Variants in PMEL observed in about 807,000 individuals in gnomAD.
The protein encoded by PMEL is premelanosome protein, also known as melanocyte protein PMEL.
In PMEL, 53 loss-of-function variants were observed where a neutral mutation model predicts 64.9. That is an observed-to-expected ratio of 0.82 (90% CI 0.66 to 1.03). PMEL has a LOEUF of 1.03. Among genes scored for constraint, PMEL ranks in the 50% least tolerant of loss-of-function variants. The pLI, the probability that PMEL is intolerant of heterozygous loss-of-function variation, is 0.00. For synonymous variants in PMEL, 299 were observed against 316.2 expected (o/e 0.95, Z 0.58); for missense variants, 716 against 814.9 (o/e 0.88, Z 1.48).
chr12:55,957,557 C>A lies in PMEL; in HGVS notation c.746G>T (p.Gly249Val), dbSNP rs1592767841. Residue 249 changes from glycine (G) to valine (V), a missense_variant, in exon 6 of 11, where the codon GGC (glycine) becomes GTC (valine). Gly to Val is a moderately radical substitution (Grantham distance 109). Coordinates refer to ENST00000548747, the MANE Select transcript of PMEL (RefSeq NM_001384361.1). ...TFALQLHDPS[G>V]YLAEADLSYT... is the part of the protein sequence containing the mutation. ...GGAGAGGTCAGCTTCAGCCAGATAG[C>A]CACTGGGGTCATGGAGCTGGAGGGC... is the stretch of plus-strand genomic sequence containing the variant. 6.2e-7 allele frequency: 1 copy of A among 1,613,180 alleles called. No homozygotes were observed. The highest frequency in any genetic ancestry group is 8.5e-7 in the Non-Finnish European group (1 of 1,179,578).
intron 1 of PMEL, among the ~76,000 whole-genome samples, chr12:55,964,646 G>A (rs1889219585): frequency 6.6e-6 from 1 of 151,196 alleles, no homozygotes; most frequent in African/African-American, 2.4e-5. Flanking sequence ...TTATTTTTTT[G>A]AGACAGAGTC....
At position 55,957,148 on chromosome 12, in the gene PMEL, C is replaced by T. The variant is rs778708708; in HGVS notation, c.1155G>A (p.Met385Ile). ...TTGACATCTCTGCCAGTGTGGTACC[C>T]ATGACCTCTGAAACTGGCACCTTCT... ...TPEKVPVSEV[M>I]GTTLAEMSTP... The change falls in exon 6 of 11, where the codon ATG becomes ATA. Residue 385 changes from methionine to isoleucine, a missense_variant. Met to Ile is a conservative substitution (Grantham distance 10). Coordinates refer to ENST00000548747, the MANE Select transcript of PMEL (RefSeq NM_001384361.1). 4.3e-6 allele frequency: 7 copies of T among 1,614,162 alleles called. No homozygotes were observed. The highest frequency in any genetic ancestry group is 2.2e-5 in the South Asian group (2 of 91,080).
At chr12:55,966,185 G>A, upstream of PMEL, 1 of 954,548 alleles carries the variant, frequency 1.0e-6, no homozygotes, top group Non-Finnish European at 1.5e-6. Context: ...CCTAGACATT[G>A]CTTTCCCATC....
In PMEL at chr12:55,961,730, G is replaced by A; in HGVS notation, c.79C>T (p.Pro27Ser). Residue 27 changes from proline to serine, a missense_variant and splice_region_variant, in exon 2 of 11, where the codon CCC (proline) becomes TCC (serine). Transcript: ENST00000548747. ...ACACCAAGCCAGTCCTGGTTTCTGG[G>A]TACTAAAAGGAATGTGCCATGAAGG... ...ALLAVGATKV[P>S]RNQDWLGVSR... 6.2e-7 allele frequency: 1 copy of A among 1,610,658 alleles called. No individual in the cohort carries two copies. Among genetic ancestry groups the A allele is most frequent in the Non-Finnish European group, 8.5e-7 (1 of 1,177,004 alleles).
Position 55,956,080 on chromosome 12 carries a change from C to T in PMEL, c.1471+23G>A, listed in dbSNP as rs200269247. ...GGTAGCACACAGCTGCCTCCATCAGCCACCAAAGTAGGCAAGACTCACGGA... is the reference window on the plus strand; with the variant it reads ...GGTAGCACACAGCTGCCTCCATCAGTCACCAAAGTAGGCAAGACTCACGGA... On this transcript the variant is annotated intron_variant, in intron 7 of 10. Transcript: ENST00000548747. 7.2e-6 allele frequency: 11 copies of T among 1,531,304 alleles called. No homozygotes were observed. The Admixed American group carries it at 1.8e-4, about 26-fold the overall frequency. 94.9% of individuals were successfully genotyped at this position (1,531,304 alleles called of 1,614,324 possible).
chr12:55,954,176 G>C lies in PMEL; in HGVS notation c.*38C>G, dbSNP rs779078135. 5 of 1,568,470 alleles carry C rather than the reference G, an allele frequency of 3.2e-6. No homozygotes were observed. In the South Asian group the frequency reaches 3.5e-5, roughly 11 times the overall value. On this transcript the variant is annotated 3_prime_UTR_variant, in exon 11 of 11. Coordinates refer to ENST00000548747, the MANE Select transcript of PMEL (RefSeq NM_001384361.1). ...GACTGGGGGAAATATAGGTGTTTCTGTCAACTCCAGGAAAATCACAGCATC... is the reference window on the plus strand; with the variant it reads ...GACTGGGGGAAATATAGGTGTTTCTCTCAACTCCAGGAAAATCACAGCATC...
rs777557131 is a variant in PMEL, at chr12:55,955,514, A to G, written c.1712T>C (p.Leu571Pro). 7 of 1,614,158 alleles carry G rather than the reference A, an allele frequency of 4.3e-6. No individual in the cohort carries two copies. The highest frequency in any genetic ancestry group is 1.6e-4 in the Middle Eastern group (1 of 6,062). The change falls in exon 9 of 11, where the codon CTG becomes CCG. Residue 571 changes from leucine to proline, a missense_variant. Physicochemically the swap from Leu to Pro is moderately conservative, Grantham distance 98. Coordinates refer to ENST00000548747, the MANE Select transcript of PMEL (RefSeq NM_001384361.1). Reference protein sequence around the residue: ...GSGTYCLNVSLADTNSLAVVS... With the variant: ...GSGTYCLNVSPADTNSLAVVS... ...CACTGCCAGGCTGTTGGTATCAGCC[A>G]GAGACACATTGAGGCAGTATGTCCC...
In PMEL at chr12:55,960,537, G is replaced by GTT. The variant is rs760692409; in HGVS notation, c.334+778_334+779dup. On this transcript the variant is annotated intron_variant, in intron 3 of 10. Transcript: ENST00000548747. ...TAATTTTCTTTTCTTTTTGCTTTCT[G>GTT]TTTTTTTTTTTTTTTTTTTTTTTGA... Among the ~76,000 whole-genome samples the GTT allele has an allele frequency of 8.5e-3, 824 of 97,214 alleles. 16 individuals carry two copies. Among genetic ancestry groups the GTT allele is most frequent in the Middle Eastern group, 0.012 (2 of 170 alleles). The allele number at this position is 97,214 out of a possible 152,430, so 63.8% of individuals were successfully genotyped here. A position where few individuals can be genotyped will look rare whatever the true frequency, so the allele number is the denominator to read the frequency against.
chr12:55,959,684 A>G (rs1429135349), intron 3 of PMEL, among the ~76,000 whole-genome samples: 1 of 152,094 alleles, frequency 6.6e-6, no homozygotes, highest in Non-Finnish European at 1.5e-5. Context: ...GGAAGCCTAT[A>G]ATCCCAGCTA....
At position 55,954,127 on chromosome 12, in the gene PMEL, A is replaced by G. The variant is rs1295625369; in HGVS notation, c.*87T>C. ...GCATCAGGCTCTGAGTATTTATTTC[A>G]GTTAATAGTAGTCTCCCAGGGAAGA... On this transcript the variant is annotated 3_prime_UTR_variant, in exon 11 of 11. Coordinates refer to ENST00000548747, the MANE Select transcript of PMEL (RefSeq NM_001384361.1). 4 of 1,270,464 alleles carry G rather than the reference A, an allele frequency of 3.1e-6. No individual in the cohort carries two copies. The highest frequency in any genetic ancestry group is 3.3e-6 in the Non-Finnish European group (3 of 913,406). 78.7% of individuals were successfully genotyped at this position (1,270,464 alleles called of 1,614,324 possible).
Position 55,955,814 on chromosome 12 carries a change from C to A in PMEL, c.1521G>T (p.Gly507=), listed in dbSNP as rs1162605453. The change falls in exon 8 of 11, where the codon GGG becomes GGT. Residue 507 remains glycine, a synonymous_variant. Coordinates refer to ENST00000548747, the MANE Select transcript of PMEL (RefSeq NM_001384361.1). ...AGGACACAGTCAGCTCAAATGCATC[C>A]CCCTCACCGGACGGCACAGCCTGCA... The part of the protein sequence containing the change: ...EILQAVPSGE[G]DAFELTVSCQ... 1 of 1,614,122 alleles carries A rather than the reference C, an allele frequency of 6.2e-7. No homozygotes were observed. The highest frequency in any genetic ancestry group is 1.7e-5 in the Admixed American group (1 of 60,016).
intron 10 of PMEL, 63 bp downstream of exon 10, chr12:55,955,211 G>A: frequency 4.1e-6 from 5 of 1,208,468 alleles, no homozygotes; most frequent in Non-Finnish European, 6.2e-6. Flanking sequence ...TTCTCCCCTT[G>A]AGGAAAAGTG....
At chr12:55,966,709 T>C, upstream of PMEL, 1 of 1,123,262 alleles carries the variant, frequency 8.9e-7, no homozygotes, top group East Asian at 5.5e-5. Context: ...GGAGGAGCGC[T>C]GGGCTCGCCC....
Position 55,961,576 on chromosome 12 carries a change from C to T in PMEL, c.187+46G>A, listed in dbSNP as rs368656983. ...ATGCAGTTCAGCTTGCTTTTTTCCT[C>T]ATCCCACTCCCACCATGCCCTCCCC... On this transcript the variant is annotated intron_variant, in intron 2 of 10. Coordinates refer to ENST00000548747, the MANE Select transcript of PMEL (RefSeq NM_001384361.1). 1.9e-5 allele frequency: 31 copies of T among 1,594,386 alleles called. No homozygotes were observed. The South Asian group carries it at 3.1e-4, about 16-fold the overall frequency.
At chr12:55,960,902 T>C (rs1318090856) in intron 3 of PMEL, among the ~76,000 whole-genome samples, 2 of 150,782 alleles carry the variant, frequency 1.3e-5, no homozygotes, top group South Asian at 2.1e-4. Context: ...ATATAACTTG[T>C]TTTAAAAATT....
chr12:55,957,723 C>G, intron 5 of PMEL, 52 bp from the exon 6 acceptor site: 1 of 1,560,204 alleles, frequency 6.4e-7, no homozygotes, highest in Non-Finnish European at 8.7e-7. Context: ...ACAGCTTCTC[C>G]TTTCACAGCC....
intron 3 of PMEL, chr12:55,961,066 A>G (rs1391586891): frequency 8.0e-6 from 3 of 373,286 alleles, no homozygotes; most frequent in African/African-American, 4.1e-5. Flanking sequence ...TTAGCCGGTC[A>G]TGGTGGCAGG....
At chr12:55,960,047 C>T (rs1374143071) in intron 3 of PMEL, among the ~76,000 whole-genome samples, 1 of 151,584 alleles carries the variant, frequency 6.6e-6, no homozygotes, top group African/African-American at 2.4e-5. Flanking sequence ...AAAGAATTAG[C>T]CGGGCATGGT....
At position 55,957,457 on chromosome 12, in the gene PMEL, C is replaced by T; in HGVS notation, c.846G>A (p.Glu282=). ...CCACCTGGGCAGTGACTGGGCCAGG[C>T]TCCAGGTAAGTATGAGTGACCACAA... ...RALVVTHTYL[E]PGPVTAQVVL... Residue 282 remains glutamate (E), a synonymous_variant, in exon 6 of 11, where the codon GAG becomes GAA. Coordinates refer to ENST00000548747, the MANE Select transcript of PMEL (RefSeq NM_001384361.1). 6.2e-7 allele frequency: 1 copy of T among 1,613,676 alleles called. No homozygotes were observed. The highest frequency in any genetic ancestry group is 1.1e-5 in the South Asian group (1 of 91,030).
Sources: allele counts gnomAD v4.1 joint callset (sites outside exome capture counted in the v4.1 genomes callset), GRCh38; gene constraint gnomAD v4.1.1; transcripts MANE v1.5; gene names NCBI Gene and HGNC (gene_info 2026-07-23, HGNC 2026-07-21).